The following GPC5 variants were observed in gnomAD, a reference collection of about 807,000 sequenced individuals.
GPC5 encodes glypican-5.
In GPC5, 47 loss-of-function variants were observed where a neutral mutation model predicts 53.9. That is an observed-to-expected ratio of 0.87 (90% confidence interval 0.69 to 1.11). The LOEUF is 1.11. Among genes scored for constraint, GPC5 ranks in the 50% most tolerant of loss-of-function variants. The pLI is 0.00. For missense variants in GPC5, 748 were observed against 713.1 expected (o/e 1.05, Z -0.56); for synonymous variants, 286 against 263.3 (o/e 1.09, Z -0.84).
intron 7 of GPC5, among the ~76,000 whole-genome samples, chr13:92,546,187 A>G (rs1370445811): frequency 2.0e-5 from 3 of 152,164 alleles, no homozygotes; most frequent in Non-Finnish European, 2.9e-5. Context: ...AGGAGAAGGA[A>G]ATAAAGGGTA....
At chr13:91,991,392 T>C (rs191041393) in intron 6 of GPC5, among the ~76,000 whole-genome samples, 4 of 152,364 alleles carry the variant, frequency 2.6e-5, no homozygotes, top group African/African-American at 9.6e-5. Flanking sequence ...CAGTAAATGA[T>C]AAATAAATGA....
intron 6 of GPC5, among the ~76,000 whole-genome samples, chr13:92,042,210 G>C (rs1045208882): frequency 6.6e-6 from 1 of 152,066 alleles, no homozygotes. Context: ...TTCCCTATCC[G>C]TGGAACTTAA....
At chr13:91,491,892 T>C (rs977599664) in intron 2 of GPC5, among the ~76,000 whole-genome samples, 5 of 152,334 alleles carry the variant, frequency 3.3e-5, no homozygotes, top group Middle Eastern at 3.4e-3. Flanking sequence ...CCAAATAAAG[T>C]CACGCTCACA....
chr13:92,370,019 C>T (rs72638670), intron 7 of GPC5, among the ~76,000 whole-genome samples: 3 of 152,232 alleles, frequency 2.0e-5, no homozygotes, highest in African/African-American at 7.2e-5. Context: ...CCTTAAATTG[C>T]TCCTTCTCTG....
intron 4 of GPC5, among the ~76,000 whole-genome samples, chr13:91,741,791 T>C (rs1288267638): frequency 6.6e-6 from 1 of 152,202 alleles, no homozygotes; most frequent in Non-Finnish European, 1.5e-5. Context: ...TAATGATGAA[T>C]TGTATATACA....
chr13:91,921,759 A>G (rs1400600297), intron 6 of GPC5, among the ~76,000 whole-genome samples: 1 of 149,988 alleles, frequency 6.7e-6, no homozygotes, highest in East Asian at 2.0e-4. Context: ...TAGCCTGGGC[A>G]ACATAGCAAG....
At chr13:92,559,330 A>G (rs1277594320) in intron 7 of GPC5, among the ~76,000 whole-genome samples, 15 of 143,024 alleles carry the variant, frequency 1.0e-4, no homozygotes, top group East Asian at 2.2e-4. Context: ...TAGTGTGTAT[A>G]TGTGTGTGTG....
intron 5 of GPC5, among the ~76,000 whole-genome samples, chr13:91,881,788 T>C (rs1346049352): frequency 3.9e-5 from 6 of 152,176 alleles, no homozygotes; most frequent in African/African-American, 1.2e-4. Flanking sequence ...ATGACCTTCA[T>C]TTCCTCATGT....
At chr13:92,716,313 C>T (rs1888326076) in intron 7 of GPC5, among the ~76,000 whole-genome samples, 1 of 152,004 alleles carries the variant, frequency 6.6e-6, no homozygotes, top group Admixed American at 6.6e-5. Context: ...TCTCTGAATA[C>T]CTCTCATGCT....
At chr13:92,527,241 GAAAGAA>G (rs1881380283) in intron 7 of GPC5, among the ~76,000 whole-genome samples, 1 of 36,582 alleles carries the variant, frequency 2.7e-5, no homozygotes, top group African/African-American at 1.3e-4. Context: ...AAGAAAGAAA[GAAAGAA>G]AGAGAAAGAA....
At chr13:91,505,454 ACAGG>A (rs1187433717) in intron 2 of GPC5, among the ~76,000 whole-genome samples, 1 of 152,148 alleles carries the variant, frequency 6.6e-6, no homozygotes, top group African/African-American at 2.4e-5. Context: ...CTGTAAACCC[ACAGG>A]CTGGTAGTGG....
At chr13:91,964,105 G>A (rs2040155058) in intron 6 of GPC5, among the ~76,000 whole-genome samples, 1 of 152,142 alleles carries the variant, frequency 6.6e-6, no homozygotes, top group South Asian at 2.1e-4. Context: ...TCCTTCTGAT[G>A]TTCAGAGGTC....
rs78488328 is a variant in GPC5 at position 91,827,555 on chromosome 13, C to T, written c.1280+71135C>T. 3.3e-3 allele frequency among the ~76,000 whole-genome samples: 504 copies of T among 152,068 alleles called. 9 individuals are homozygous for T. Among genetic ancestry groups the T allele is most frequent in the East Asian group, 0.018 (94 of 5,176 alleles). On this transcript the variant is annotated intron_variant, in intron 5 of 7. Coordinates refer to ENST00000377067, the MANE Select transcript of GPC5 (RefSeq NM_004466.6). ...AAGATATATGAAATGGCAATTAGCA[C>T]ATACAGATTGCTCAGTTATTAGTCA...
chr13:91,419,799 A>G (rs1014174725), intron 1 of GPC5, among the ~76,000 whole-genome samples: 41 of 152,178 alleles, frequency 2.7e-4, no homozygotes, highest in African/African-American at 9.7e-4. Context: ...ATGCGAATTG[A>G]TCCTCCTGAT....
intron 5 of GPC5, among the ~76,000 whole-genome samples, chr13:91,774,714 CATCA>C (rs1185995873): frequency 6.6e-6 from 1 of 152,168 alleles, no homozygotes; most frequent in Non-Finnish European, 1.5e-5. Context: ...ACACCCTAGT[CATCA>C]ATCAATGACT....
At chr13:92,299,900 A>G (rs1470817322) in intron 7 of GPC5, among the ~76,000 whole-genome samples, 2 of 152,190 alleles carry the variant, frequency 1.3e-5, no homozygotes, top group Admixed American at 1.3e-4. Flanking sequence ...TATGCAAATT[A>G]TATTGCTGTC....
intron 7 of GPC5, among the ~76,000 whole-genome samples, chr13:92,520,991 C>G (rs1835413437): frequency 6.6e-6 from 1 of 152,122 alleles, no homozygotes; most frequent in Admixed American, 6.6e-5. Flanking sequence ...CAATAACAAA[C>G]AGAGAGCCAA....
At chr13:91,647,070 CGTGTGTGTGT>C (rs66824666) in intron 2 of GPC5, among the ~76,000 whole-genome samples, 1,790 of 144,096 alleles carry the variant, frequency 0.012, 27 homozygotes, top group African/African-American at 0.043. Context: ...TATATATATG[CGTGTGTGTGT>C]GTGTGTGTGT....
At chr13:92,071,226 A>G (rs1413907726) in intron 6 of GPC5, among the ~76,000 whole-genome samples, 3 of 151,764 alleles carry the variant, frequency 2.0e-5, no homozygotes, top group Non-Finnish European at 4.4e-5. Flanking sequence ...ACAGAGCGAG[A>G]CTCTGTTGAA....
Sources: allele counts gnomAD v4.1 joint callset (sites outside exome capture counted in the v4.1 genomes callset), GRCh38; gene constraint gnomAD v4.1.1; transcripts MANE v1.5; gene names NCBI Gene and HGNC (gene_info 2026-07-23, HGNC 2026-07-21).